The following PDZD4 variants were observed in gnomAD, a reference collection of about 807,000 sequenced individuals.
PDZD4 encodes PDZ domain-containing protein 4.
PDZD4 carries 9 observed loss-of-function variants against 38.5 expected under a neutral mutation model. That is an observed-to-expected ratio of 0.23 (90% confidence interval 0.14 to 0.41). PDZD4 has a LOEUF of 0.41. Among genes scored for constraint, PDZD4 ranks in the 10% least tolerant of loss-of-function variants. PDZD4 has a pLI of 1.00. For synonymous variants in PDZD4, 349 were observed against 315.7 expected (o/e 1.11, Z -1.12); for missense variants, 612 against 722.0 (o/e 0.85, Z 1.75).
intron 1 of PDZD4, among the ~76,000 whole-genome samples, chrX:153,819,798 T>A (rs1022522656): frequency 4.5e-5 from 5 of 111,566 alleles, no homozygotes; most frequent in African/African-American, 1.6e-4. Flanking sequence ...CCCAGCAAAG[T>A]CCCCATTCAT....
intron 1 of PDZD4, among the ~76,000 whole-genome samples, chrX:153,818,036 A>C (rs908082922): frequency 1.7e-4 from 19 of 112,525 alleles, no homozygotes; most frequent in Admixed American, 3.8e-4. Flanking sequence ...ACTTGAGGTC[A>C]GGAGTTCGAG....
chrX:153,819,691 T>A (rs1557080812), intron 1 of PDZD4, among the ~76,000 whole-genome samples: 1 of 112,529 alleles, frequency 8.9e-6, no homozygotes, highest in Non-Finnish European at 1.9e-5. Context: ...TGACTGTAGC[T>A]TCCAGGCCAA....
Position 153,808,377 on chromosome X carries a change from G to T in PDZD4, c.279C>A (p.Pro93=). 8.3e-7 allele frequency: 1 copy of T among 1,210,462 alleles called. No homozygotes were observed. The highest frequency in any genetic ancestry group is 1.1e-6 in the Non-Finnish European group (1 of 895,063). Residue 93 remains proline, a synonymous_variant, in exon 2 of 8, where the codon CCC becomes CCA. Coordinates refer to ENST00000393758, the MANE Select transcript of PDZD4 (RefSeq NM_001303512.2). ...GGACGTACGGCTCCAGGATGACCATGGGCGGGGTGGGCGGACGCAGCTTGC... is the reference window on the plus strand; with the variant it reads ...GGACGTACGGCTCCAGGATGACCATTGGCGGGGTGGGCGGACGCAGCTTGC... ...ALGKLRPPTP[P]MVILEPYVLS...
At chrX:153,823,878 T>C (rs2064453433) in intron 1 of PDZD4, among the ~76,000 whole-genome samples, 1 of 112,605 alleles carries the variant, frequency 8.9e-6, no homozygotes, top group Admixed American at 9.4e-5. Context: ...GCTGCCTCCA[T>C]TCCTATCTCC....
chrX:153,804,153 G>C lies in PDZD4; in HGVS notation c.1528C>G (p.Arg510Gly). The C allele has an allele frequency of 1.7e-6, 2 of 1,162,704 alleles. No homozygotes were observed. The highest frequency in any genetic ancestry group is 3.8e-5 in the South Asian group (2 of 52,605). The stretch of plus-strand genomic sequence containing the variant: ...GCAACAGCGGGGCCGGGAGGGGTCC[G>C]GTTCAAGTTGGAGTTGCCGGCCATG... Reference protein sequence around the residue: ...RAMAGNSNLNRTPPGPAVATP... With the variant: ...RAMAGNSNLNGTPPGPAVATP... Residue 510 changes from arginine to glycine, a missense_variant, in exon 8 of 8, where the codon CGG (arginine) becomes GGG (glycine). Transcript: ENST00000393758.
intron 1 of PDZD4, among the ~76,000 whole-genome samples, chrX:153,823,641 C>T (rs2064450690): frequency 8.9e-6 from 1 of 112,493 alleles, no homozygotes; most frequent in Non-Finnish European, 1.9e-5. Context: ...CGTGAGCCAC[C>T]GCACCCAGCC....
intron 1 of PDZD4, among the ~76,000 whole-genome samples, chrX:153,810,704 T>C (rs1361312568): frequency 8.9e-6 from 1 of 112,627 alleles, no homozygotes; most frequent in African/African-American, 3.2e-5. Flanking sequence ...AAATCTTGTC[T>C]TAGTGCCCGC....
At position 153,803,659 on chromosome X, in the gene PDZD4, G is replaced by A; in HGVS notation, c.2022C>T (p.Ser674=). ...SGMTTDDDAV[S]EMKMGRYWSK... Reference sequence around the variant, plus strand: ...TCCAGTAGCGGCCCATCTTCATCTCGCTCACCGCGTCGTCGTCGGTCGTCA... The same window carrying A: ...TCCAGTAGCGGCCCATCTTCATCTCACTCACCGCGTCGTCGTCGGTCGTCA... Residue 674 remains serine (S), a synonymous_variant, in exon 8 of 8, where the codon AGC becomes AGT. Coordinates refer to ENST00000393758, the MANE Select transcript of PDZD4 (RefSeq NM_001303512.2). 2.5e-6 allele frequency: 3 copies of A among 1,210,107 alleles called. No homozygotes were observed. The highest frequency in any genetic ancestry group is 3.4e-6 in the Non-Finnish European group (3 of 895,494).
chrX:153,824,299 G>A (rs543264498), intron 1 of PDZD4, among the ~76,000 whole-genome samples: 2 of 111,253 alleles, frequency 1.8e-5, no homozygotes, highest in East Asian at 5.7e-4. Flanking sequence ...CCAGAAGATG[G>A]CAGTCAGAAT....
In PDZD4 at chrX:153,806,082, G is replaced by A. The variant is rs1557076928; in HGVS notation, c.556C>T (p.Arg186Cys). ...CTGCAAGTGCTCACCTGGATGATGC[G>A]GTCTCCCTCACGGATCCGGCCGTCT... ...AKDGRIREGDRIIQINGVDVQ... is the reference protein window; with the variant it reads ...AKDGRIREGDCIIQINGVDVQ... The change falls in exon 5 of 8, where the codon CGC becomes TGC. Residue 186 changes from arginine (R) to cysteine (C), a missense_variant. Arg to Cys is a radical substitution (Grantham distance 180). This residue lies in a region of PDZD4 where 225 missense variants were observed against 311.0 expected (regional missense o/e 0.72). Transcript: ENST00000393758. The A allele has an allele frequency of 2.5e-6, 3 of 1,211,787 alleles. No individual in the cohort carries two copies. Among genetic ancestry groups the A allele is most frequent in the Non-Finnish European group, 1.1e-6 (1 of 895,471 alleles).
Position 153,830,365 on chromosome X carries a change from G to A in PDZD4, c.-67C>T. ...GACGCCTTTCACTGACCCGGGCGCG[G>A]GACCTCGGGTCCCGGGCCGGGGCCA... On this transcript the variant is annotated 5_prime_UTR_variant, in exon 1 of 8. Transcript: ENST00000393758. The A allele has an allele frequency of 9.3e-7, 1 of 1,073,266 alleles. No individual in the cohort carries two copies. Among genetic ancestry groups the A allele is most frequent in the Non-Finnish European group, 1.3e-6 (1 of 779,597 alleles). 88.4% of individuals were successfully genotyped at this position (1,073,266 alleles called of 1,213,427 possible). A position where few individuals can be genotyped will look rare whatever the true frequency, so the allele number is the denominator to read the frequency against.
intron 2 of PDZD4, 199 bp downstream of exon 2, chrX:153,808,143 G>C: frequency 9.3e-7 from 1 of 1,074,898 alleles, no homozygotes; most frequent in Non-Finnish European, 1.2e-6. Context: ...CTCGGCCCTG[G>C]GGGTAGATAC....
At chrX:153,825,452 G>A (rs1485286457) in intron 1 of PDZD4, among the ~76,000 whole-genome samples, 1 of 112,370 alleles carries the variant, frequency 8.9e-6, no homozygotes, top group Non-Finnish European at 1.9e-5. Context: ...AAAAGGCTCC[G>A]GAGCTGGGGA....
Position 153,807,290 on chromosome X carries a change from G to T in PDZD4, c.394C>A (p.Leu132Met). The T allele has an allele frequency of 2.5e-6, 3 of 1,210,077 alleles. No individual in the cohort carries two copies. Among genetic ancestry groups the T allele is most frequent in the Non-Finnish European group, 3.4e-6 (3 of 894,979 alleles). ...GCCACCCGGCTCACCTCATACTCCA[G>T]CTCATCCAAGCGGTCTGCCTCCTGC... ...GPQEADRLDE[L>M]EYEEVELYKS... The change falls in exon 3 of 8, where the codon CTG becomes ATG. Residue 132 changes from leucine (L) to methionine (M), a missense_variant. Leu to Met is a conservative substitution (Grantham distance 15). Transcript: ENST00000393758.
intron 1 of PDZD4, among the ~76,000 whole-genome samples, chrX:153,827,330 T>A (rs943765515): frequency 1.2e-4 from 13 of 111,856 alleles, no homozygotes; most frequent in African/African-American, 4.2e-4. Context: ...GGTGGGAATG[T>A]AAACTGGTTC....
intron 5 of PDZD4, among the ~76,000 whole-genome samples, 160 bp from the exon 6 acceptor site, chrX:153,805,766 G>A (rs942768972): frequency 8.9e-6 from 1 of 112,379 alleles, no homozygotes; most frequent in African/African-American, 3.2e-5. Flanking sequence ...GGGAGAGGGC[G>A]GCCTGACTCT....
Position 153,808,542 on chromosome X carries a change from C to A in PDZD4, c.114G>T (p.Leu38=). ...TCACCAGGGGCTCCTTGGAGGAGCG[C>A]AGGGCCTGCAGAGTTTGCTCCTGAG... The part of the protein sequence containing the change: ...KLSQEQTLQA[L]RSSKEPLVIQ... The change falls in exon 2 of 8, where the codon CTG becomes CTT. Residue 38 remains leucine (L), a synonymous_variant. Coordinates refer to ENST00000393758, the MANE Select transcript of PDZD4 (RefSeq NM_001303512.2). 8.3e-7 allele frequency: 1 copy of A among 1,199,109 alleles called. No individual in the cohort carries two copies. Among genetic ancestry groups the A allele is most frequent in the Non-Finnish European group, 1.1e-6 (1 of 889,561 alleles).
In PDZD4 at chrX:153,829,673, C is replaced by T. The variant is rs370699610; in HGVS notation, c.60+566G>A. The T allele has an allele frequency of 9.4e-6, 7 of 741,936 alleles. No individual in the cohort carries two copies. In the South Asian group the frequency reaches 2.8e-4, roughly 29 times the overall value. 61.1% of individuals were successfully genotyped at this position (741,936 alleles called of 1,213,427 possible). A position where few individuals can be genotyped will look rare whatever the true frequency, so the allele number is the denominator to read the frequency against. On this transcript the variant is annotated intron_variant, in intron 1 of 7. Transcript: ENST00000393758. ...CTGCTGGTCCACGCCCCGCAAAGCCCGGCCAGGCACTGCCACCCGCAGAGA... is the reference window on the plus strand; with the variant it reads ...CTGCTGGTCCACGCCCCGCAAAGCCTGGCCAGGCACTGCCACCCGCAGAGA...
intron 1 of PDZD4, among the ~76,000 whole-genome samples, chrX:153,813,612 G>A (rs1381354000): frequency 1.8e-5 from 2 of 112,599 alleles, no homozygotes; most frequent in Non-Finnish European, 3.8e-5. Context: ...AGAGAGGCGA[G>A]CAGATGAAGT....
Sources: gnomAD v4.1 joint callset for allele counts (sites outside exome capture counted in the v4.1 genomes callset) on GRCh38, gnomAD v4.1.1 for gene constraint, gnomAD v4.1.1 regional missense constraint, MANE v1.5 for transcripts, NCBI Gene and HGNC (gene_info 2026-07-23, HGNC 2026-07-21) for gene names.